The following AGMO variants were observed in gnomAD, a reference collection of about 807,000 sequenced individuals.
AGMO encodes the protein alkylglycerol monooxygenase.
Under a neutral mutation model 60.2 loss-of-function variants are expected in AGMO, and 75 were observed. The observed-to-expected ratio is 1.25, with a 90% CI of 1.03 to 1.51. The LOEUF is 1.51. AGMO is among the 40% of genes most tolerant of loss of function. The probability of loss-of-function intolerance (pLI) is 0.00; values close to 1 mark genes in which losing one functional copy is unlikely to be tolerated. For synonymous variants in AGMO, 261 were observed against 177.1 expected, an observed-to-expected ratio of 1.47 and a Z score of -3.76; for missense variants, 763 against 525.5, an observed-to-expected ratio of 1.45 and a Z score of -4.42.
chr7:15,360,313 G>T (rs764319077), intron 12 of AGMO, among the ~76,000 whole-genome samples: 7 of 152,136 alleles, frequency 4.6e-5, no homozygotes, highest in Non-Finnish European at 7.4e-5. Context: ...ACAACTCGGA[G>T]GTTAGTGGGG....
At chr7:15,254,954 A>G (rs114142564) in intron 12 of AGMO, among the ~76,000 whole-genome samples, 2,269 of 152,310 alleles carry the variant, frequency 0.015, 58 homozygotes, top group African/African-American at 0.053. Context: ...ATGAATAAAA[A>G]TATTGAAGCA....
chr7:15,231,205 T>C (rs1483992600), intron 12 of AGMO, among the ~76,000 whole-genome samples: 2 of 152,210 alleles, frequency 1.3e-5, no homozygotes, highest in Non-Finnish European at 2.9e-5. Context: ...ATGGTTCTAG[T>C]AGGGCAAATG....
chr7:15,192,532 T>C, the AGMO span, among the ~76,000 whole-genome samples: 3 of 152,058 alleles, frequency 2.0e-5, no homozygotes, highest in South Asian at 2.1e-4. Context: ...AGTAAAATCC[T>C]TGCATTCACC....
At chr7:15,248,639 A>G (rs1782839909) in intron 12 of AGMO, among the ~76,000 whole-genome samples, 1 of 152,106 alleles carries the variant, frequency 6.6e-6, no homozygotes, top group Non-Finnish European at 1.5e-5. Context: ...TGCTATAAAC[A>G]CTGAACTTGA....
At chr7:15,553,285 G>A (rs560195721) in intron 2 of AGMO, among the ~76,000 whole-genome samples, 103 of 150,596 alleles carry the variant, frequency 6.8e-4, no homozygotes, top group South Asian at 2.7e-3. Context: ...ACTAACCTGC[G>A]CAATGTGCAC....
chr7:15,317,151 T>C (rs1780951052), intron 12 of AGMO, among the ~76,000 whole-genome samples: 1 of 152,210 alleles, frequency 6.6e-6, no homozygotes, highest in Non-Finnish European at 1.5e-5. Flanking sequence ...TTCAACTTCG[T>C]AAATTCTGTC....
intron 12 of AGMO, among the ~76,000 whole-genome samples, chr7:15,335,721 T>G (rs1322739685): frequency 7.2e-5 from 11 of 152,206 alleles, no homozygotes; most frequent in African/African-American, 2.7e-4. Flanking sequence ...ATAGCATGTG[T>G]AGATAAATAT....
chr7:15,175,414 T>C, the AGMO span, among the ~76,000 whole-genome samples: 2 of 151,958 alleles, frequency 1.3e-5, no homozygotes, highest in East Asian at 3.9e-4. Context: ...AGTTATGATT[T>C]TGGGGGGAAA....
intron 10 of AGMO, among the ~76,000 whole-genome samples, chr7:15,377,248 G>A (rs913131830): frequency 6.6e-6 from 1 of 151,992 alleles, no homozygotes; most frequent in African/African-American, 2.4e-5. Context: ...AAACACATGT[G>A]GGAAACAAGC....
chr7:15,275,365 A>G (rs1375493053), intron 12 of AGMO, among the ~76,000 whole-genome samples: 2 of 152,088 alleles, frequency 1.3e-5, no homozygotes. Context: ...TCATACTGGT[A>G]TTGATTTCTA....
chr7:15,196,989 G>A (rs1015898771), downstream of AGMO, among the ~76,000 whole-genome samples: 9 of 151,932 alleles, frequency 5.9e-5, no homozygotes, highest in African/African-American at 2.2e-4. Flanking sequence ...TAGGAAGAAC[G>A]GATGGCAGAA....
At chr7:15,208,523 CAA>C (rs1781496337) in intron 12 of AGMO, among the ~76,000 whole-genome samples, 3 of 152,076 alleles carry the variant, frequency 2.0e-5, no homozygotes, top group South Asian at 4.1e-4. Context: ...GGGAATAAAA[CAA>C]GAGCAGAAAA....
intron 5 of AGMO, among the ~76,000 whole-genome samples, chr7:15,407,644 C>T (rs1257882540): frequency 6.6e-6 from 1 of 151,816 alleles, no homozygotes; most frequent in African/African-American, 2.4e-5. Context: ...TAATATTTAA[C>T]TCTAGCAATA....
intron 8 of AGMO, among the ~76,000 whole-genome samples, chr7:15,388,002 G>A (rs952800671): frequency 1.3e-5 from 2 of 151,024 alleles, no homozygotes; most frequent in African/African-American, 2.5e-5. Context: ...CTGCCTCCTG[G>A]GTTCAAGTGA....
chr7:15,555,122 C>T (rs1785090211), intron 2 of AGMO, among the ~76,000 whole-genome samples: 1 of 151,136 alleles, frequency 6.6e-6, no homozygotes, highest in Admixed American at 6.6e-5. Context: ...TCTGATTTGG[C>T]CAGATTATAC....
chr7:15,198,240 A>G (rs965296405), downstream of AGMO, among the ~76,000 whole-genome samples: 606 of 102,324 alleles, frequency 5.9e-3, 16 homozygotes, highest in Admixed American at 9.1e-3. Context: ...AGAGAGAGAG[A>G]GAGAGAGAGA....
intron 12 of AGMO, among the ~76,000 whole-genome samples, chr7:15,276,456 C>T (rs747216630): frequency 6.6e-6 from 1 of 151,938 alleles, no homozygotes; most frequent in South Asian, 2.1e-4. Context: ...TCTCTAGCTG[C>T]TTTTAAGATT....
intron 12 of AGMO, among the ~76,000 whole-genome samples, chr7:15,304,097 T>C (rs1380927916): frequency 6.6e-6 from 1 of 152,188 alleles, no homozygotes; most frequent in African/African-American, 2.4e-5. Flanking sequence ...CTTTATGCAA[T>C]GCTTGACGGC....
chr7:15,207,197 T>C (rs1781461597), intron 12 of AGMO, among the ~76,000 whole-genome samples: 1 of 152,208 alleles, frequency 6.6e-6, no homozygotes. Context: ...TCAGAGAATA[T>C]ACTTTAATAC....
Sources: allele counts gnomAD v4.1 joint callset (sites outside exome capture counted in the v4.1 genomes callset), GRCh38; gene constraint gnomAD v4.1.1; transcripts MANE v1.5; gene names NCBI Gene and HGNC (gene_info 2026-07-23, HGNC 2026-07-21).